The following GHR variants were observed in gnomAD, a reference collection of about 807,000 sequenced individuals.
GHR encodes GH receptor.
In GHR, 35 loss-of-function variants were observed where a neutral mutation model predicts 67.1. The observed-to-expected ratio is 0.52, with a 90% CI of 0.40 to 0.69. The LOEUF (loss-of-function observed/expected upper bound fraction) is 0.69. Ranked by LOEUF, GHR falls within the 30% of genes least tolerant of loss-of-function variation. GHR has a pLI of 0.00. For missense variants in GHR, 792 were observed against 764.6 expected (o/e 1.04, Z -0.42); for synonymous variants, 272 against 269.1 (o/e 1.01, Z -0.10).
intron 4 of GHR, among the ~76,000 whole-genome samples, chr5:42,689,735 C>G (rs1242418883): frequency 6.6e-6 from 1 of 152,124 alleles, no homozygotes; most frequent in East Asian, 1.9e-4. Context: ...ACTGACCATG[C>G]CAAACCTCAT....
intron 3 of GHR, among the ~76,000 whole-genome samples, chr5:42,681,781 A>G (rs1756890804): frequency 6.6e-6 from 1 of 151,958 alleles, no homozygotes; most frequent in Non-Finnish European, 1.5e-5. Flanking sequence ...CTAAAAATAC[A>G]AAAAATTAGG....
At chr5:42,543,196 T>C (rs1455378265) in intron 1 of GHR, among the ~76,000 whole-genome samples, 1 of 152,290 alleles carries the variant, frequency 6.6e-6, no homozygotes, top group East Asian at 1.9e-4. Context: ...TTTTAGTTCT[T>C]TGAGGAATTT....
rs771664842 is a variant in GHR, at chr5:42,496,668, G to A, written c.-11-69196G>A. On this transcript the variant is annotated intron_variant, in intron 1 of 9. Coordinates refer to ENST00000230882, the MANE Select transcript of GHR (RefSeq NM_000163.5). ...TTCAAGACAACTGGTACCCATGCCA[G>A]AGTAGGGTATATTCTGACAGAAAAT... Among the ~76,000 whole-genome samples, 22 of 152,278 alleles carry A rather than the reference G, an allele frequency of 1.4e-4. No individual in the cohort carries two copies. In the South Asian group the frequency reaches 1.4e-3, roughly 10 times the overall value.
At chr5:42,579,132 TAGATAGATGATAGATA>T (rs1561138846) in intron 2 of GHR, among the ~76,000 whole-genome samples, 1 of 81,508 alleles carries the variant, frequency 1.2e-5, no homozygotes, top group Non-Finnish European at 2.6e-5. Context: ...GATAGATAGA[TAGATAGATGATAGATA>T]GATATAGATA....
Position 42,472,607 on chromosome 5 carries a change from T to C in GHR, c.-12+48652T>C, listed in dbSNP as rs540461891. Among the ~76,000 whole-genome samples, 8 of 152,352 alleles carry C rather than the reference T, an allele frequency of 5.3e-5. No homozygotes were observed. In the South Asian group the frequency reaches 1.7e-3, roughly 32 times the overall value. On this transcript the variant is annotated intron_variant, in intron 1 of 9. Coordinates refer to ENST00000230882, the MANE Select transcript of GHR (RefSeq NM_000163.5). ...TAAGAATTTGAAGGATTGTCACTGG[T>C]AGAATAAGATGTTATTCTTGGCTGC... is the stretch of plus-strand genomic sequence containing the variant.
chr5:42,494,479 C>T (rs1448785299), intron 1 of GHR, among the ~76,000 whole-genome samples: 3 of 152,076 alleles, frequency 2.0e-5, no homozygotes, highest in Non-Finnish European at 4.4e-5. Context: ...TACCATCAAG[C>T]ATGGACGGAT....
chr5:42,468,431 G>T lies in GHR; in HGVS notation c.-12+44476G>T, dbSNP rs1470771954. On this transcript the variant is annotated intron_variant, in intron 1 of 9. Coordinates refer to ENST00000230882, the MANE Select transcript of GHR (RefSeq NM_000163.5). ...GCTTCTTCTTGAGTTTCCTCCCAGG[G>T]CCAAGATGAGTATTGCCTACGTGCG... 1.2e-5 allele frequency: 12 copies of T among 975,842 alleles called. No individual in the cohort carries two copies. In the Admixed American group the frequency reaches 2.2e-4, roughly 18 times the overall value. 60.4% of individuals were successfully genotyped at this position (975,842 alleles called of 1,614,324 possible).
chr5:42,508,719 G>C (rs765293948), intron 1 of GHR, among the ~76,000 whole-genome samples: 1 of 152,210 alleles, frequency 6.6e-6, no homozygotes, highest in Non-Finnish European at 1.5e-5. Flanking sequence ...GACTACAAGC[G>C]CCCGCCACCA....
At chr5:42,541,312 G>T (rs1748507403) in intron 1 of GHR, among the ~76,000 whole-genome samples, 1 of 152,192 alleles carries the variant, frequency 6.6e-6, no homozygotes, top group Non-Finnish European at 1.5e-5. Flanking sequence ...GGTGACATTT[G>T]AATGCATACT....
intron 1 of GHR, among the ~76,000 whole-genome samples, chr5:42,456,712 T>G (rs1378796816): frequency 6.6e-6 from 1 of 152,184 alleles, no homozygotes; most frequent in Non-Finnish European, 1.5e-5. Context: ...AAATCTCCAA[T>G]TATTTGAATT....
chr5:42,551,340 C>T (rs76388483), intron 1 of GHR, among the ~76,000 whole-genome samples: 149 of 152,144 alleles, frequency 9.8e-4, no homozygotes, highest in African/African-American at 3.5e-3. Flanking sequence ...AGCTAAGTTG[C>T]GGTGGGGAGT....
chr5:42,655,236 C>T (rs72561782), intron 3 of GHR, among the ~76,000 whole-genome samples: 3,265 of 152,152 alleles, frequency 0.021, 99 homozygotes, highest in African/African-American at 0.071. Context: ...TTTTCTTTGA[C>T]GGGCAGATGC....
chr5:42,511,743 G>A (rs918134930), intron 1 of GHR, among the ~76,000 whole-genome samples: 1 of 151,926 alleles, frequency 6.6e-6, no homozygotes, highest in African/African-American at 2.4e-5. Context: ...TATCAAACCT[G>A]GTTTTATGTC....
intron 2 of GHR, among the ~76,000 whole-genome samples, chr5:42,600,611 T>C (rs1752324246): frequency 6.6e-6 from 1 of 152,210 alleles, no homozygotes; most frequent in South Asian, 2.1e-4. Flanking sequence ...GAACAGGATC[T>C]GGGCAGCACA....
intron 2 of GHR, among the ~76,000 whole-genome samples, chr5:42,591,506 A>G (rs1291150899): frequency 6.6e-6 from 1 of 152,198 alleles, no homozygotes; most frequent in Non-Finnish European, 1.5e-5. Context: ...ATTTCCCACT[A>G]TCCTGCAGGG....
At chr5:42,687,622 C>G (rs534465570) in intron 3 of GHR, among the ~76,000 whole-genome samples, 11 of 152,018 alleles carry the variant, frequency 7.2e-5, no homozygotes, top group Non-Finnish European at 1.5e-4. Flanking sequence ...AGTTTGTTGC[C>G]AGAGGAAAAA....
chr5:42,511,826 T>A (rs1447514218), intron 1 of GHR, among the ~76,000 whole-genome samples: 1 of 152,212 alleles, frequency 6.6e-6, no homozygotes, highest in East Asian at 1.9e-4. Context: ...AAAGTCTTAA[T>A]ATTTCAGCAA....
chr5:42,543,575 A>T (rs1282015137), intron 1 of GHR, among the ~76,000 whole-genome samples: 3 of 152,162 alleles, frequency 2.0e-5, no homozygotes, highest in Non-Finnish European at 4.4e-5. Flanking sequence ...TGTTGTTACT[A>T]AATAAAAATC....
intron 1 of GHR, chr5:42,468,240 G>A (rs1744825341): frequency 5.8e-6 from 9 of 1,548,308 alleles, no homozygotes; most frequent in Non-Finnish European, 7.1e-6. Context: ...GATCTGGGAA[G>A]TTTTCTTCTT....
Sources: gnomAD v4.1 joint callset for allele counts (sites outside exome capture counted in the v4.1 genomes callset) on GRCh38, gnomAD v4.1.1 for gene constraint, MANE v1.5 for transcripts, NCBI Gene and HGNC (gene_info 2026-07-23, HGNC 2026-07-21) for gene names.